PCDH15: variants seen among roughly 807,000 people sequenced by gnomAD.
PCDH15 encodes protocadherin related 15, also known as protocadherin-15.
In PCDH15, 129 loss-of-function variants were observed where a neutral mutation model predicts 178.5. The ratio of observed to expected loss-of-function variants is 0.72; its 90% CI spans 0.63 to 0.84. PCDH15 has a LOEUF of 0.84. Ranked by LOEUF, PCDH15 falls within the 40% of genes least tolerant of loss-of-function variation. PCDH15 has a pLI of 0.00. For missense variants in PCDH15, 2,230 were observed against 2,099.9 expected (o/e 1.06, Z -1.21); for synonymous variants, 800 against 732.0 (o/e 1.09, Z -1.50).
At chr10:54,159,348 T>C (rs1420943934) in intron 13 of PCDH15, among the ~76,000 whole-genome samples, 1 of 152,078 alleles carries the variant, frequency 6.6e-6, no homozygotes, top group Non-Finnish European at 1.5e-5. Flanking sequence ...CTGGTAAATT[T>C]ATATCTGGTG....
At chr10:54,313,160 T>A (rs857372) in intron 8 of PCDH15, among the ~76,000 whole-genome samples, 77,820 of 151,882 alleles carry the variant, frequency 0.51, 20,587 homozygotes, top group Middle Eastern at 0.61. Flanking sequence ...AAAGACCTCC[T>A]TTTTTTACTG....
chr10:55,359,934 A>G (rs1216984977), intron 2 of PCDH15, among the ~76,000 whole-genome samples: 1 of 151,932 alleles, frequency 6.6e-6, no homozygotes, highest in East Asian at 1.9e-4. Context: ...AGAATCTAAA[A>G]AAGTCTAATT....
At chr10:55,485,558 A>C (rs1479145925) in intron 2 of PCDH15, among the ~76,000 whole-genome samples, 10 of 151,708 alleles carry the variant, frequency 6.6e-5, no homozygotes, top group African/African-American at 2.2e-4. Context: ...AATGTAAACT[A>C]GTAGAGCCAT....
At chr10:54,199,923 C>CA (rs919444688) in intron 10 of PCDH15, among the ~76,000 whole-genome samples, 4 of 149,666 alleles carry the variant, frequency 2.7e-5, no homozygotes, top group East Asian at 4.1e-4. Flanking sequence ...AAACTGAAGC[C>CA]AAAAAAAATG....
At chr10:55,592,511 C>T (rs1014944869) in intron 2 of PCDH15, among the ~76,000 whole-genome samples, 2 of 152,160 alleles carry the variant, frequency 1.3e-5, no homozygotes, top group African/African-American at 4.8e-5. Context: ...CCCTATAGGA[C>T]TAGGAATGAT....
intron 3 of PCDH15, among the ~76,000 whole-genome samples, chr10:54,833,216 T>A (rs544561282): frequency 6.6e-6 from 1 of 152,158 alleles, no homozygotes; most frequent in African/African-American, 2.4e-5. Context: ...AACTACTCTC[T>A]CATGATTGCA....
At chr10:54,073,015 A>G (rs1172157431) in intron 17 of PCDH15, among the ~76,000 whole-genome samples, 2 of 152,150 alleles carry the variant, frequency 1.3e-5, no homozygotes, top group Non-Finnish European at 2.9e-5. Context: ...TACCTGTCCA[A>G]ACACATATTT....
intron 1 of PCDH15, among the ~76,000 whole-genome samples, chr10:55,208,322 C>T (rs1840461478): frequency 6.6e-6 from 1 of 152,022 alleles, no homozygotes; most frequent in African/African-American, 2.4e-5. Context: ...TGCCCTTTAG[C>T]TGCCACTGTG....
intron 2 of PCDH15, among the ~76,000 whole-genome samples, chr10:55,331,119 T>C (rs2132310483): frequency 6.6e-6 from 1 of 152,064 alleles, no homozygotes; most frequent in South Asian, 2.1e-4. Flanking sequence ...CTTTTCTCCT[T>C]CATCTCTTCA....
chr10:54,841,455 A>C (rs2133761499), intron 3 of PCDH15, among the ~76,000 whole-genome samples: 1 of 151,888 alleles, frequency 6.6e-6, no homozygotes, highest in Non-Finnish European at 1.5e-5. Flanking sequence ...CATTAAGGAA[A>C]AGAATTCCAA....
intron 2 of PCDH15, among the ~76,000 whole-genome samples, chr10:55,334,242 A>ATATATATATATATATATGTGTG (rs1291195941): frequency 1.2e-4 from 9 of 72,134 alleles, no homozygotes; most frequent in South Asian, 1.1e-3. Context: ...ATATATATAT[A>ATATATATATATATATATGTGTG]TGTGTGTGTG....
At chr10:54,857,584 T>G (rs1953762332) in intron 3 of PCDH15, among the ~76,000 whole-genome samples, 1 of 151,806 alleles carries the variant, frequency 6.6e-6, no homozygotes, top group African/African-American at 2.4e-5. Flanking sequence ...TACATAGGAT[T>G]ACAGGCACGT....
chr10:54,639,925 G>A (rs1423677769), intron 2 of PCDH15, among the ~76,000 whole-genome samples: 1 of 151,978 alleles, frequency 6.6e-6, no homozygotes, highest in Non-Finnish European at 1.5e-5. Context: ...AGTGATTATA[G>A]ATAGATTTTT....
chr10:55,374,842 A>T (rs1200510349), intron 2 of PCDH15, among the ~76,000 whole-genome samples: 1 of 152,064 alleles, frequency 6.6e-6, no homozygotes, highest in East Asian at 1.9e-4. Flanking sequence ...CATAAATATG[A>T]TTTGAATAAA....
chr10:55,098,800 T>G (rs1842505333), intron 2 of PCDH15, among the ~76,000 whole-genome samples: 1 of 151,882 alleles, frequency 6.6e-6, no homozygotes, highest in Non-Finnish European at 1.5e-5. Context: ...TTTTTCACTT[T>G]CGGAAGCGTC....
chr10:54,981,685 T>C (rs1161662179), intron 2 of PCDH15, among the ~76,000 whole-genome samples: 1 of 152,156 alleles, frequency 6.6e-6, no homozygotes, highest in Non-Finnish European at 1.5e-5. Flanking sequence ...TTCTGCAGAA[T>C]CACAATAAGT....
intron 2 of PCDH15, among the ~76,000 whole-genome samples, chr10:55,455,294 AT>A (rs1839525992): frequency 6.6e-6 from 1 of 152,166 alleles, no homozygotes; most frequent in South Asian, 2.1e-4. Context: ...GTATATTATT[AT>A]TTATAGTTCA....
intron 2 of PCDH15, among the ~76,000 whole-genome samples, chr10:54,991,388 T>C (rs1464543953): frequency 6.6e-6 from 1 of 152,070 alleles, no homozygotes; most frequent in African/African-American, 2.4e-5. Context: ...ATAGAGGTAA[T>C]TGAAAAAAGA....
rs548518107 is a variant in PCDH15 at position 53,820,056 on chromosome 10, A to G, written c.4433+109T>C. 3 of 393,922 alleles carry G rather than the reference A, an allele frequency of 7.6e-6. No individual in the cohort carries two copies. The East Asian group carries it at 1.1e-4, about 14-fold the overall frequency. The allele number at this position is 393,922 out of a possible 1,614,324, so 24.4% of individuals were successfully genotyped here. A position where few individuals can be genotyped will look rare whatever the true frequency, so the allele number is the denominator to read the frequency against. ...GACTTCTCTTATTTCTTTTGTTACT[A>G]TTTATAGATTTATCAAGAAATTATA... is the stretch of plus-strand genomic sequence containing the variant. On this transcript the variant is annotated intron_variant, in intron 33 of 37. Coordinates refer to ENST00000644397, the MANE Select transcript of PCDH15 (RefSeq NM_001384140.1).
Sources: gnomAD v4.1 joint callset for allele counts (sites outside exome capture counted in the v4.1 genomes callset) on GRCh38, gnomAD v4.1.1 for gene constraint, MANE v1.5 for transcripts, NCBI Gene and HGNC (gene_info 2026-07-23, HGNC 2026-07-21) for gene names.